Variants in RBFOX1 observed in about 807,000 individuals in gnomAD.
The protein encoded by RBFOX1 is RNA binding fox-1 homolog 1.
Under a neutral mutation model 57.7 loss-of-function variants are expected in RBFOX1, and 8 were observed. The observed-to-expected ratio is 0.14, with a 90% CI of 0.08 to 0.25. The LOEUF is 0.25. RBFOX1 is among the 10% of genes least tolerant of loss of function. The pLI is 1.00. For synonymous variants in RBFOX1, 326 were observed against 222.4 expected (o/e 1.47, Z -4.15); for missense variants, 611 against 548.5 (o/e 1.11, Z -1.14).
At position 7,390,130 on chromosome 16, in the gene RBFOX1, C is replaced by G. The variant is rs115618343; in HGVS notation, c.28-128017C>G. ...AGAAGGGAGAGGGGCTACATACTTT[C>G]AAACAAACAGCTCTTGTGAAAACTC... On this transcript the variant is annotated intron_variant, in intron 4 of 15. Coordinates refer to ENST00000550418, the MANE Select transcript of RBFOX1 (RefSeq NM_018723.4). Among the ~76,000 whole-genome samples, 619 of 152,194 alleles carry G rather than the reference C, an allele frequency of 4.1e-3. 5 individuals carry two copies. Among genetic ancestry groups the G allele is most frequent in the African/African-American group, 0.014 (582 of 41,536 alleles).
chr16:7,051,006 C>T (rs1181874081), intron 3 of RBFOX1, among the ~76,000 whole-genome samples: 1 of 152,010 alleles, frequency 6.6e-6, no homozygotes, highest in Non-Finnish European at 1.5e-5. Context: ...ACTTTGTATA[C>T]AAAATGCGTA....
At chr16:7,552,934 C>T (rs1330401598) in intron 5 of RBFOX1, among the ~76,000 whole-genome samples, 2 of 152,136 alleles carry the variant, frequency 1.3e-5, no homozygotes, top group East Asian at 1.9e-4. Context: ...CTGCCCGCCT[C>T]GGACTCCCAA....
At chr16:7,337,175 G>A (rs1376805922) in intron 4 of RBFOX1, among the ~76,000 whole-genome samples, 3 of 152,134 alleles carry the variant, frequency 2.0e-5, no homozygotes, top group Non-Finnish European at 2.9e-5. Context: ...CAAAGAATGC[G>A]AGTGGTATAG....
At chr16:7,326,535 A>C (rs898303012) in intron 4 of RBFOX1, among the ~76,000 whole-genome samples, 1 of 152,118 alleles carries the variant, frequency 6.6e-6, no homozygotes, top group African/African-American at 2.4e-5. Flanking sequence ...GTGCATTGAA[A>C]ACATTCTGAA....
intron 4 of RBFOX1, among the ~76,000 whole-genome samples, chr16:7,261,842 A>G (rs1314992753): frequency 6.6e-6 from 1 of 152,174 alleles, no homozygotes; most frequent in East Asian, 1.9e-4. Context: ...CTCTCCCCAA[A>G]GTCTTGGATT....
intron 3 of RBFOX1, among the ~76,000 whole-genome samples, chr16:6,788,570 G>T (rs912313317): frequency 2.6e-5 from 4 of 151,730 alleles, no homozygotes; most frequent in African/African-American, 9.7e-5. Context: ...CTGCCTTCTG[G>T]GTTCACGCCA....
intron 1 of RBFOX1, among the ~76,000 whole-genome samples, chr16:6,042,874 G>C (rs1207701426): frequency 1.3e-5 from 2 of 152,140 alleles, no homozygotes; most frequent in Non-Finnish European, 2.9e-5. Context: ...CTGATTGACA[G>C]TTGATTGAAA....
At chr16:6,919,875 C>T (rs1221742023) in intron 3 of RBFOX1, among the ~76,000 whole-genome samples, 1 of 148,916 alleles carries the variant, frequency 6.7e-6, no homozygotes, top group African/African-American at 2.5e-5. Flanking sequence ...GATTTTGGTG[C>T]ACCCATCACC....
chr16:7,182,278 G>T (rs550817541), intron 4 of RBFOX1, among the ~76,000 whole-genome samples: 1 of 152,204 alleles, frequency 6.6e-6, no homozygotes, highest in South Asian at 2.1e-4. Context: ...CTCCTCTATA[G>T]GGATGTGAGG....
intron 2 of RBFOX1, among the ~76,000 whole-genome samples, chr16:6,338,719 G>A (rs1412629192): frequency 6.6e-6 from 1 of 152,166 alleles, no homozygotes; most frequent in Non-Finnish European, 1.5e-5. Flanking sequence ...ACCTGAAAAA[G>A]TTAGTTCTTC....
In RBFOX1 at chr16:7,688,832, C is replaced by G. The variant is rs538353144; in HGVS notation, c.995+11994C>G. Among the ~76,000 whole-genome samples the G allele has an allele frequency of 5.9e-5, 9 of 151,590 alleles. No individual in the cohort carries two copies. The East Asian group carries it at 1.7e-3, about 29-fold the overall frequency. ...AGAATATGTTTTTAATTCTTTCTCT[C>G]AATTATTCTCAAAGAGGAGTTCAAA... On this transcript the variant is annotated intron_variant, in intron 14 of 15. Coordinates refer to ENST00000550418, the MANE Select transcript of RBFOX1 (RefSeq NM_018723.4).
At chr16:6,855,863 C>T (rs1426326859) in intron 3 of RBFOX1, among the ~76,000 whole-genome samples, 1 of 150,610 alleles carries the variant, frequency 6.6e-6, no homozygotes, top group East Asian at 2.0e-4. Flanking sequence ...CCCTTCCTTT[C>T]TTCCCTGCTT....
chr16:5,429,878 A>G (rs1170077969), intron 1 of RBFOX1, among the ~76,000 whole-genome samples: 1 of 152,168 alleles, frequency 6.6e-6, no homozygotes, highest in Non-Finnish European at 1.5e-5. Flanking sequence ...ACAGTCCCAA[A>G]TACCTGCCCT....
chr16:7,520,122 C>T (rs1038089497), intron 5 of RBFOX1, among the ~76,000 whole-genome samples: 3 of 151,988 alleles, frequency 2.0e-5, no homozygotes, highest in Admixed American at 6.5e-5. Context: ...CCTGACCTCG[C>T]GATCTGCCTG....
chr16:6,370,635 C>G (rs2152891930), intron 2 of RBFOX1, among the ~76,000 whole-genome samples: 1 of 152,102 alleles, frequency 6.6e-6, no homozygotes, highest in Non-Finnish European at 1.5e-5. Flanking sequence ...CTAGGATAGT[C>G]AAATTCATAG....
chr16:6,624,138 T>A (rs1349999314), intron 2 of RBFOX1, among the ~76,000 whole-genome samples: 1 of 152,060 alleles, frequency 6.6e-6, no homozygotes, highest in Admixed American at 6.6e-5. Flanking sequence ...AAACAAAATA[T>A]AAGTATGCAA....
At chr16:6,101,021 G>C (rs1226380030) in intron 1 of RBFOX1, among the ~76,000 whole-genome samples, 1 of 152,018 alleles carries the variant, frequency 6.6e-6, no homozygotes, top group Non-Finnish European at 1.5e-5. Context: ...AGAGTTTTAG[G>C]GTCAGATGTC....
intron 4 of RBFOX1, among the ~76,000 whole-genome samples, chr16:5,926,643 A>G (rs1017991675): frequency 3.9e-5 from 6 of 152,152 alleles, no homozygotes; most frequent in African/African-American, 1.4e-4. Context: ...TATTTTTGCA[A>G]TGCCTGGATC....
At chr16:5,690,770 C>G (rs1178139576) in intron 3 of RBFOX1, among the ~76,000 whole-genome samples, 1 of 152,152 alleles carries the variant, frequency 6.6e-6, no homozygotes, top group Non-Finnish European at 1.5e-5. Flanking sequence ...AAGCTGTGTT[C>G]TCCTGAATTG....
Sources: gnomAD v4.1 joint callset for allele counts (sites outside exome capture counted in the v4.1 genomes callset) on GRCh38, gnomAD v4.1.1 for gene constraint, MANE v1.5 for transcripts, NCBI Gene and HGNC (gene_info 2026-07-23, HGNC 2026-07-21) for gene names.